The following PACRG variants were observed in gnomAD, a reference collection of about 807,000 sequenced individuals.
PACRG encodes the protein parkin coregulated.
A neutral mutation model predicts 29.7 loss-of-function variants in PACRG; 29 were observed. The observed-to-expected ratio is 0.98, with a 90% CI of 0.73 to 1.33. The LOEUF (loss-of-function observed/expected upper bound fraction) is 1.33, where lower values mean the gene tolerates loss of function less well. Among genes scored for constraint, PACRG ranks in the 40% most tolerant of loss-of-function variants. PACRG has a pLI of 0.00. For missense variants in PACRG, 279 were observed against 316.2 expected (o/e 0.88, Z 0.89); for synonymous variants, 116 against 118.7 (o/e 0.98, Z 0.15).
chr6:163,124,317 T>C (rs1212940093), intron 4 of PACRG, among the ~76,000 whole-genome samples: 1 of 152,214 alleles, frequency 6.6e-6, no homozygotes, highest in African/African-American at 2.4e-5. Flanking sequence ...ATTTGAAGTA[T>C]AGGCCAACTT....
intron 2 of PACRG, among the ~76,000 whole-genome samples, chr6:163,017,497 A>G (rs2128217756): frequency 6.6e-6 from 1 of 152,322 alleles, no homozygotes; most frequent in South Asian, 2.1e-4. Flanking sequence ...GGAGCTTAAA[A>G]GCAAATTAAC....
chr6:162,924,959 A>G (rs1400805995), intron 2 of PACRG, among the ~76,000 whole-genome samples: 1 of 152,124 alleles, frequency 6.6e-6, no homozygotes, highest in East Asian at 1.9e-4. Flanking sequence ...AATGAAATAG[A>G]CACAATAAAA....
intron 4 of PACRG, among the ~76,000 whole-genome samples, chr6:163,271,347 A>G (rs996050350): frequency 1.1e-3 from 27 of 23,756 alleles, no homozygotes; most frequent in Non-Finnish European, 2.1e-3. Context: ...CAGGAACAAT[A>G]CTTTGCATCC....
intron 4 of PACRG, chr6:163,100,987 C>T: frequency 3.0e-6 from 3 of 983,844 alleles, no homozygotes; most frequent in Non-Finnish European, 3.6e-6. Flanking sequence ...TCAGAGCCCT[C>T]GAAGATCAAT....
chr6:163,079,462 C>G (rs1032379912), intron 3 of PACRG, among the ~76,000 whole-genome samples: 1 of 151,686 alleles, frequency 6.6e-6, no homozygotes, highest in Non-Finnish European at 1.5e-5. Context: ...ATTCCTGTAT[C>G]CTCCCTATAA....
At chr6:163,057,241 A>C (rs535263014) in intron 2 of PACRG, among the ~76,000 whole-genome samples, 2 of 152,166 alleles carry the variant, frequency 1.3e-5, no homozygotes, top group Non-Finnish European at 2.9e-5. Flanking sequence ...AAATAATAAA[A>C]ACTCAAAAAC....
intron 4 of PACRG, among the ~76,000 whole-genome samples, chr6:163,161,998 G>T (rs1022142206): frequency 6.6e-6 from 1 of 152,224 alleles, no homozygotes; most frequent in African/African-American, 2.4e-5. Context: ...ACCTGCCAGA[G>T]AACAGATACT....
Position 163,062,266 on chromosome 6 carries a change from A to G in PACRG, c.408A>G (p.Glu136=). 1.9e-6 allele frequency: 3 copies of G among 1,614,228 alleles called. No homozygotes were observed. Among genetic ancestry groups the G allele is most frequent in the Non-Finnish European group, 2.5e-6 (3 of 1,180,034 alleles). ...GGCAAGGAATCCACGACATGCTGGA[A>G]CACGGTGGGAACAAGATCCTACCTG... ...FARQGIHDML[E]HGGNKILPVL... Residue 136 remains glutamate, a synonymous_variant, in exon 3 of 5, where the codon GAA becomes GAG. Transcript: ENST00000366888.
chr6:163,020,334 G>T (rs1474599924), intron 2 of PACRG, among the ~76,000 whole-genome samples: 2 of 152,188 alleles, frequency 1.3e-5, no homozygotes, highest in African/African-American at 4.8e-5. Flanking sequence ...ATATGGAGTT[G>T]TGAACCAGTT....
intron 2 of PACRG, among the ~76,000 whole-genome samples, chr6:162,987,274 G>C (rs1802984418): frequency 6.6e-6 from 1 of 152,082 alleles, no homozygotes; most frequent in African/African-American, 2.4e-5. Context: ...AGATTGCATT[G>C]ATTGTTATTG....
chr6:162,922,200 T>C (rs1246525081), intron 2 of PACRG, among the ~76,000 whole-genome samples: 1 of 150,470 alleles, frequency 6.6e-6, no homozygotes, highest in Non-Finnish European at 1.5e-5. Flanking sequence ...GAGCAGTGCC[T>C]GGGGGGTCTT....
At chr6:163,030,820 T>G (rs2128227807) in intron 2 of PACRG, among the ~76,000 whole-genome samples, 1 of 152,308 alleles carries the variant, frequency 6.6e-6, no homozygotes, top group African/African-American at 2.4e-5. Context: ...AATGTAGCAG[T>G]GAGGACGACC....
rs1562553370 is a variant in PACRG, at chr6:162,744,639, T to G, written c.156+16248T>G. Among the ~76,000 whole-genome samples, 4 of 152,244 alleles carry G rather than the reference T, an allele frequency of 2.6e-5. No individual in the cohort carries two copies. The South Asian group carries it at 8.3e-4, about 32-fold the overall frequency. On this transcript the variant is annotated intron_variant, in intron 1 of 4. Transcript: ENST00000366888. The stretch of plus-strand genomic sequence containing the variant: ...AATATAAGTTGTGTATAGTAAGAAT[T>G]TGGTCAGTCTTAGGCATATTTGAAA...
At chr6:162,947,545 CA>C (rs1243867669) in intron 2 of PACRG, among the ~76,000 whole-genome samples, 2 of 75,514 alleles carry the variant, frequency 2.6e-5, no homozygotes, top group South Asian at 4.4e-4. Flanking sequence ...CATATATAAT[CA>C]TATATATATA....
At chr6:162,925,665 A>C (rs1797381532) in intron 2 of PACRG, among the ~76,000 whole-genome samples, 1 of 152,196 alleles carries the variant, frequency 6.6e-6, no homozygotes, top group Non-Finnish European at 1.5e-5. Flanking sequence ...ATCTCAAAAT[A>C]ATAAGAGCTA....
chr6:162,873,860 C>T (rs755741175), intron 2 of PACRG, among the ~76,000 whole-genome samples: 12 of 152,088 alleles, frequency 7.9e-5, no homozygotes, highest in Non-Finnish European at 1.6e-4. Flanking sequence ...ACATTTTTGC[C>T]TACCATTCAG....
chr6:163,029,224 C>G (rs1807430806), intron 2 of PACRG, among the ~76,000 whole-genome samples: 1 of 152,192 alleles, frequency 6.6e-6, no homozygotes. Context: ...AGAACCAGAA[C>G]CAGCCTGAAC....
At chr6:162,801,240 C>T (rs539389529) in intron 1 of PACRG, among the ~76,000 whole-genome samples, 185 of 152,276 alleles carry the variant, frequency 1.2e-3, no homozygotes, top group African/African-American at 4.2e-3. Flanking sequence ...TCCCGAGTAG[C>T]TGGGATTACA....
intron 4 of PACRG, among the ~76,000 whole-genome samples, chr6:163,210,790 A>G (rs1428700036): frequency 1.3e-5 from 2 of 152,214 alleles, no homozygotes; most frequent in Non-Finnish European, 2.9e-5. Flanking sequence ...TCAATGGAAG[A>G]TATAGGACAT....
Sources: gnomAD v4.1 joint callset for allele counts (sites outside exome capture counted in the v4.1 genomes callset) on GRCh38, gnomAD v4.1.1 for gene constraint, MANE v1.5 for transcripts, NCBI Gene and HGNC (gene_info 2026-07-23, HGNC 2026-07-21) for gene names.